COX7B2: variants seen among roughly 807,000 people sequenced by gnomAD.
COX7B2 encodes cytochrome c oxidase subunit 7B2.
For synonymous variants in COX7B2, 37 were observed against 32.1 expected, an observed-to-expected ratio of 1.15 and a Z score of -0.51; for missense variants, 109 against 95.9, an observed-to-expected ratio of 1.14 and a Z score of -0.57.
At chr4:46,812,379 A>C (rs1222262470) in intron 2 of COX7B2, among the ~76,000 whole-genome samples, 2 of 152,018 alleles carry the variant, frequency 1.3e-5, no homozygotes, top group African/African-American at 2.4e-5. Context: ...TTAAAAAAAA[A>C]AAAGAAGTCC....
intron 2 of COX7B2, among the ~76,000 whole-genome samples, chr4:46,749,700 C>T (rs953480557): frequency 6.6e-6 from 1 of 152,132 alleles, no homozygotes; most frequent in Admixed American, 6.6e-5. Context: ...GTTAATTCAT[C>T]TAATGGATGT....
intron 2 of COX7B2, among the ~76,000 whole-genome samples, chr4:46,794,750 A>C (rs917385755): frequency 6.6e-6 from 1 of 152,174 alleles, no homozygotes; most frequent in South Asian, 2.1e-4. Context: ...CAATAATAAT[A>C]ATCTGACTCA....
chr4:46,805,861 T>C, intron 2 of COX7B2, among the ~76,000 whole-genome samples: 1 of 152,176 alleles, frequency 6.6e-6, no homozygotes, highest in East Asian at 1.9e-4. Flanking sequence ...CCTCTATATA[T>C]TTAAAGACAT....
At chr4:46,830,324 C>CAAAAA (rs201868075) in intron 2 of COX7B2, among the ~76,000 whole-genome samples, 36 of 82,060 alleles carry the variant, frequency 4.4e-4, no homozygotes, top group Non-Finnish European at 5.2e-4. Context: ...ACTCTGTCTC[C>CAAAAA]AAAAAAAAAA....
At chr4:46,748,719 G>A (rs140825424) in intron 2 of COX7B2, among the ~76,000 whole-genome samples, 8 of 152,236 alleles carry the variant, frequency 5.3e-5, no homozygotes, top group African/African-American at 1.9e-4. Flanking sequence ...TAGCTTCCAT[G>A]ATATTCCCTT....
chr4:46,847,315 G>A (rs1254744627), intron 1 of COX7B2, among the ~76,000 whole-genome samples: 1 of 152,096 alleles, frequency 6.6e-6, no homozygotes, highest in East Asian at 1.9e-4. Context: ...GGAACTGAGG[G>A]AAGCCTCTAG....
chr4:46,872,839 A>G (rs1718081323), intron 1 of COX7B2, among the ~76,000 whole-genome samples: 1 of 151,992 alleles, frequency 6.6e-6, no homozygotes, highest in East Asian at 1.9e-4. Flanking sequence ...TTTTTTTATT[A>G]TACTTTAAGT....
intron 2 of COX7B2, among the ~76,000 whole-genome samples, chr4:46,843,400 A>T (rs1315996748): frequency 5.9e-5 from 9 of 152,064 alleles, no homozygotes; most frequent in Non-Finnish European, 1.2e-4. Context: ...TTCCTCTTTT[A>T]CAGAAAAGAC....
chr4:46,837,938 C>G (rs556738794), intron 2 of COX7B2, among the ~76,000 whole-genome samples: 7 of 151,646 alleles, frequency 4.6e-5, no homozygotes, highest in Non-Finnish European at 8.8e-5. Flanking sequence ...AAACTAAGGT[C>G]GAAATAACCG....
At chr4:46,841,634 G>C (rs1715935348) in intron 2 of COX7B2, among the ~76,000 whole-genome samples, 1 of 151,866 alleles carries the variant, frequency 6.6e-6, no homozygotes, top group Admixed American at 6.6e-5. Flanking sequence ...CCATTGAGGA[G>C]CCTAACAATG....
At chr4:46,859,327 T>A (rs951800066) in intron 1 of COX7B2, among the ~76,000 whole-genome samples, 3 of 152,164 alleles carry the variant, frequency 2.0e-5, no homozygotes, top group Non-Finnish European at 4.4e-5. Flanking sequence ...ACACTCCCTC[T>A]TTTTTAACTA....
chr4:46,817,112 T>A (rs1437405062), intron 2 of COX7B2, among the ~76,000 whole-genome samples: 1 of 152,232 alleles, frequency 6.6e-6, no homozygotes, highest in Non-Finnish European at 1.5e-5. Context: ...AAGTTAATTT[T>A]AAGCCTCTGT....
chr4:46,786,297 T>A (rs1172398178), intron 2 of COX7B2, among the ~76,000 whole-genome samples: 1 of 152,226 alleles, frequency 6.6e-6, no homozygotes, highest in Non-Finnish European at 1.5e-5. Context: ...GATACTCATG[T>A]ACCTATGTAG....
chr4:46,754,258 G>C (rs1232655006), intron 2 of COX7B2, among the ~76,000 whole-genome samples: 1 of 151,648 alleles, frequency 6.6e-6, no homozygotes, highest in African/African-American at 2.4e-5. Context: ...AAAGACACAT[G>C]CACACGTATG....
intron 2 of COX7B2, among the ~76,000 whole-genome samples, chr4:46,742,712 G>A (rs1264760517): frequency 6.6e-6 from 1 of 152,090 alleles, no homozygotes; most frequent in African/African-American, 2.4e-5. Flanking sequence ...GCAGTGAATT[G>A]TTATGCCTGG....
intron 2 of COX7B2, among the ~76,000 whole-genome samples, chr4:46,837,450 A>G (rs1413745733): frequency 6.6e-6 from 1 of 152,056 alleles, no homozygotes; most frequent in Non-Finnish European, 1.5e-5. Flanking sequence ...ACTTATATGA[A>G]ACATCTAGAA....
At chr4:46,876,230 T>C (rs1041600641) in intron 1 of COX7B2, among the ~76,000 whole-genome samples, 2 of 152,116 alleles carry the variant, frequency 1.3e-5, no homozygotes, top group Non-Finnish European at 2.9e-5. Flanking sequence ...CTAAGAGACA[T>C]GCATGGGGCA....
chr4:46,835,388 A>G (rs986124107), intron 2 of COX7B2, among the ~76,000 whole-genome samples: 6 of 151,956 alleles, frequency 3.9e-5, no homozygotes, highest in Non-Finnish European at 5.9e-5. Flanking sequence ...TTTTAAAATC[A>G]GAAAAAAAAA....
At chr4:46,905,005 T>C (rs1302157912) in intron 1 of COX7B2, among the ~76,000 whole-genome samples, 1 of 152,216 alleles carries the variant, frequency 6.6e-6, no homozygotes, top group Non-Finnish European at 1.5e-5. Context: ...AGTCTACTTC[T>C]GCCACTTTCA....
Sources: allele counts gnomAD v4.1 joint callset (sites outside exome capture counted in the v4.1 genomes callset), GRCh38; gene constraint gnomAD v4.1.1; transcripts MANE v1.5; gene names NCBI Gene and HGNC (gene_info 2026-07-23, HGNC 2026-07-21).